SERBP1: variants seen among roughly 807,000 people sequenced by gnomAD.
The protein encoded by SERBP1 is SERPINE1 mRNA-binding protein 1.
A neutral mutation model predicts 50.2 loss-of-function variants in SERBP1; 6 were observed. The ratio of observed to expected loss-of-function variants is 0.12; its 90% confidence interval spans 0.07 to 0.24. The LOEUF (loss-of-function observed/expected upper bound fraction) is 0.24, where lower values mean the gene tolerates loss of function less well. Among genes scored for constraint, SERBP1 ranks in the 10% least tolerant of loss-of-function variants. The pLI is 1.00. For synonymous variants in SERBP1, 168 were observed against 182.8 expected (o/e 0.92, Z 0.65); for missense variants, 346 against 524.9 (o/e 0.66, Z 3.33).
intron 2 of SERBP1, 149 bp downstream of exon 2, chr1:67,425,986 C>T (rs1028131162): frequency 3.3e-6 from 2 of 608,486 alleles, no homozygotes; most frequent in Non-Finnish European, 2.8e-6. Flanking sequence ...GTGGCGTGAC[C>T]TTGTAGTCCG....
rs376345394 is a variant in SERBP1, at chr1:67,407,922, C to T, written c.*5285G>A. On this transcript the variant is annotated 3_prime_UTR_variant, in exon 8 of 8. Transcript: ENST00000361219. ...TGTCAAGAACCAAGTTAACCAAAAC[C>T]GCTTTAAACAGAATCTTCATTCTAG... is the stretch of plus-strand genomic sequence containing the variant. The T allele has an allele frequency of 3.9e-5, 6 of 152,126 alleles. No individual in the cohort carries two copies. Among genetic ancestry groups the T allele is most frequent in the African/African-American group, 9.7e-5 (4 of 41,430 alleles). 9.4% of individuals were successfully genotyped at this position (152,126 alleles called of 1,614,324 possible). A position where few individuals can be genotyped will look rare whatever the true frequency, so the allele number is the denominator to read the frequency against.
intron 7 of SERBP1, among the ~76,000 whole-genome samples, chr1:67,414,803 AG>A (rs1473034465): frequency 1.3e-5 from 2 of 152,234 alleles, no homozygotes; most frequent in African/African-American, 4.8e-5. Context: ...ACTGGTTTTC[AG>A]GTAAGCCTTA....
chr1:67,421,170 T>C (rs113402477), intron 5 of SERBP1, among the ~76,000 whole-genome samples: 9 of 152,264 alleles, frequency 5.9e-5, no homozygotes, highest in African/African-American at 1.7e-4. Flanking sequence ...CAAGTTTATA[T>C]TGAATTGACA....
At chr1:67,423,495 T>C (rs1463595707) in intron 5 of SERBP1, among the ~76,000 whole-genome samples, 3 of 151,272 alleles carry the variant, frequency 2.0e-5, no homozygotes, top group Non-Finnish European at 4.4e-5. Flanking sequence ...TAGTCCCAGC[T>C]ACTTAGGAGG....
Position 67,412,121 on chromosome 1 carries a change from A to G in SERBP1, c.*1086T>C, listed in dbSNP as rs915421635. 1 of 152,620 alleles carries G rather than the reference A, an allele frequency of 6.6e-6. No individual in the cohort carries two copies. The highest frequency in any genetic ancestry group is 2.4e-5 in the African/African-American group (1 of 41,440). 9.5% of individuals were successfully genotyped at this position (152,620 alleles called of 1,614,324 possible). Reference sequence around the variant, plus strand: ...GCTGTCTGCTTCCCAAATTCCAAAAATTAAAATACTCCCCCACCTCACCCT... The same window carrying G: ...GCTGTCTGCTTCCCAAATTCCAAAAGTTAAAATACTCCCCCACCTCACCCT... On this transcript the variant is annotated 3_prime_UTR_variant, in exon 8 of 8. Transcript: ENST00000361219.
intron 4 of SERBP1, among the ~76,000 whole-genome samples, 174 bp downstream of exon 4, chr1:67,424,714 A>C (rs966951220): frequency 6.6e-6 from 1 of 152,194 alleles, no homozygotes; most frequent in Admixed American, 6.5e-5. Flanking sequence ...AATATTAAAA[A>C]ACCGGTCATT....
chr1:67,429,851 G>C (rs917998124), intron 1 of SERBP1, 137 bp downstream of exon 1: 4 of 1,019,240 alleles, frequency 3.9e-6, no homozygotes, highest in Non-Finnish European at 5.8e-6. Context: ...CCGGACTTTT[G>C]TCGCGTGAAG....
intron 1 of SERBP1, among the ~76,000 whole-genome samples, chr1:67,427,361 G>T (rs1214281482): frequency 6.6e-6 from 1 of 152,170 alleles, no homozygotes; most frequent in African/African-American, 2.4e-5. Context: ...CTTTAAGATT[G>T]TTGGTATGCT....
chr1:67,428,560 A>G (rs139946109), intron 1 of SERBP1, among the ~76,000 whole-genome samples: 11 of 152,348 alleles, frequency 7.2e-5, no homozygotes, highest in Middle Eastern at 3.4e-3. Flanking sequence ...TAATTGTGCT[A>G]GATTGCCATA....
In SERBP1 at chr1:67,411,897, A is replaced by G. The variant is rs1375987413; in HGVS notation, c.*1310T>C. On this transcript the variant is annotated 3_prime_UTR_variant, in exon 8 of 8. Transcript: ENST00000361219. ...AATTCATCATTCTATGTGTGTTTTA[A>G]TAAGTGGTGATGCTCCCATTATAGG... 2 of 152,322 alleles carry G rather than the reference A, an allele frequency of 1.3e-5. No homozygotes were observed. Among genetic ancestry groups the G allele is most frequent in the Non-Finnish European group, 2.9e-5 (2 of 68,032 alleles). 9.4% of individuals were successfully genotyped at this position (152,322 alleles called of 1,614,324 possible). A position where few individuals can be genotyped will look rare whatever the true frequency, so the allele number is the denominator to read the frequency against.
Position 67,413,259 on chromosome 1 carries a change from C to T in SERBP1, c.1130G>A (p.Ser377Asn), listed in dbSNP as rs765744434. 3 of 1,583,914 alleles carry T rather than the reference C, an allele frequency of 1.9e-6. No homozygotes were observed. The South Asian group carries it at 3.5e-5, about 19-fold the overall frequency. ...PNRGSRTDKSSASAPDVDDPE... is the reference protein window; with the variant it reads ...PNRGSRTDKSNASAPDVDDPE... Reference sequence around the variant, plus strand: ...GTCATCCACATCAGGAGCAGAAGCACTTGACTGAAAAAGAAAAACCAAAAT... The same window carrying T: ...GTCATCCACATCAGGAGCAGAAGCATTTGACTGAAAAAGAAAAACCAAAAT... Residue 377 changes from serine (S) to asparagine (N), a missense_variant, in exon 8 of 8, where the codon AGT (serine) becomes AAT (asparagine). This residue lies in a region of SERBP1 where 68 missense variants were observed against 97.3 expected (regional missense o/e 0.70). Coordinates refer to ENST00000361219, the MANE Select transcript of SERBP1 (RefSeq NM_001018069.2).
In SERBP1 at chr1:67,425,085, T is replaced by G; in HGVS notation, c.603A>C (p.Arg201Ser). 1 of 1,609,742 alleles carries G rather than the reference T, an allele frequency of 6.2e-7. No homozygotes were observed. The highest frequency in any genetic ancestry group is 8.5e-7 in the Non-Finnish European group (1 of 1,179,132). Residue 201 changes from arginine (R) to serine (S), a missense_variant and splice_region_variant, in exon 3 of 8, where the codon AGA (arginine) becomes AGC (serine). Coordinates refer to ENST00000361219, the MANE Select transcript of SERBP1 (RefSeq NM_001018069.2). ...AAATAAAAACCAGTAAGACTTACGA[T>G]CTATCACTTCCACTATGCCTATCAA... ...REFDRHSGSD[R>S]SSFSHYSGLK...
intron 5 of SERBP1, among the ~76,000 whole-genome samples, chr1:67,421,019 C>G (rs944565491): frequency 1.3e-5 from 2 of 152,172 alleles, no homozygotes; most frequent in Admixed American, 6.5e-5. Flanking sequence ...CTGCTTCTTT[C>G]CAAAGATAGC....
intron 6 of SERBP1, among the ~76,000 whole-genome samples, chr1:67,416,416 G>A (rs765109512): frequency 6.6e-6 from 1 of 152,230 alleles, no homozygotes; most frequent in Non-Finnish European, 1.5e-5. Context: ...CAAAAAGCCA[G>A]ACAATTCTAT....
At chr1:67,427,608 G>A (rs1667430049) in intron 1 of SERBP1, among the ~76,000 whole-genome samples, 1 of 152,092 alleles carries the variant, frequency 6.6e-6, no homozygotes, top group Non-Finnish European at 1.5e-5. Context: ...TTACACCAAG[G>A]TATTTAAATA....
chr1:67,419,339 TTAG>T (rs1356966924), intron 6 of SERBP1, among the ~76,000 whole-genome samples: 3 of 152,242 alleles, frequency 2.0e-5, no homozygotes, highest in African/African-American at 7.2e-5. Context: ...CAACAGGTTA[TTAG>T]TAGTTAAGTT....
At chr1:67,413,430 C>T (rs1204304775) in intron 7 of SERBP1, among the ~76,000 whole-genome samples, 167 bp from the exon 8 acceptor site, 2 of 152,042 alleles carry the variant, frequency 1.3e-5, no homozygotes, top group African/African-American at 2.4e-5. Context: ...GGGTGGATCA[C>T]CTGAGGTCAG....
rs1489716548 is a variant in SERBP1, at chr1:67,429,973, C to G, written c.313+15G>C. The G allele has an allele frequency of 1.9e-6, 3 of 1,586,754 alleles. No homozygotes were observed. Among genetic ancestry groups the G allele is most frequent in the Non-Finnish European group, 2.6e-6 (3 of 1,166,778 alleles). On this transcript the variant is annotated intron_variant, in intron 1 of 7. Coordinates refer to ENST00000361219, the MANE Select transcript of SERBP1 (RefSeq NM_001018069.2). ...CCTCCATCCCAGTCTCCCCCACATT[C>G]TGCCCCTGCTTTACCTTCTTTCTTA...
chr1:67,417,503 C>CT (rs1191094184), intron 6 of SERBP1, among the ~76,000 whole-genome samples: 51 of 144,228 alleles, frequency 3.5e-4, no homozygotes, highest in East Asian at 6.0e-4. Context: ...CAGGGGGATC[C>CT]TTTTTTTTTT....
Sources: gnomAD v4.1 joint callset for allele counts (sites outside exome capture counted in the v4.1 genomes callset) on GRCh38, gnomAD v4.1.1 for gene constraint, gnomAD v4.1.1 regional missense constraint, MANE v1.5 for transcripts, NCBI Gene and HGNC (gene_info 2026-07-23, HGNC 2026-07-21) for gene names.